Variants in OSBPL10 observed in about 807,000 individuals in gnomAD.
OSBPL10 encodes oxysterol-binding protein-related protein 10.
Under a neutral mutation model 81.7 loss-of-function variants are expected in OSBPL10, and 49 were observed. The ratio of observed to expected loss-of-function variants is 0.60; its 90% CI spans 0.48 to 0.76. OSBPL10 has a LOEUF of 0.76. Among genes scored for constraint, OSBPL10 ranks in the 30% least tolerant of loss-of-function variants. The pLI, the probability that OSBPL10 is intolerant of heterozygous loss-of-function variation, is 0.00. For synonymous variants in OSBPL10, 419 were observed against 383.6 expected (o/e 1.09, Z -1.08); for missense variants, 923 against 987.8 (o/e 0.93, Z 0.88).
At chr3:31,947,377 G>C (rs999296977) in intron 1 of OSBPL10, among the ~76,000 whole-genome samples, 2 of 152,208 alleles carry the variant, frequency 1.3e-5, no homozygotes, top group Non-Finnish European at 1.5e-5. Context: ...CTGAACAGCA[G>C]TTCCCACAGC....
intron 4 of OSBPL10, chr3:31,797,923 C>A (rs190454550): frequency 1.5e-4 from 59 of 383,670 alleles, no homozygotes; most frequent in African/African-American, 1.2e-3. Flanking sequence ...GAACCCACTA[C>A]ATTTACAGTC....
intron 3 of OSBPL10, among the ~76,000 whole-genome samples, chr3:31,874,777 T>C (rs764818807): frequency 2.2e-4 from 33 of 152,168 alleles, no homozygotes; most frequent in Non-Finnish European, 4.1e-4. Context: ...GCAACCGTTG[T>C]AGAAGACAAT....
At chr3:31,963,708 A>G (rs1169896310) in intron 1 of OSBPL10, among the ~76,000 whole-genome samples, 1 of 152,174 alleles carries the variant, frequency 6.6e-6, no homozygotes, top group Non-Finnish European at 1.5e-5. Flanking sequence ...GGAACAAATC[A>G]CATTTAACCT....
chr3:31,826,835 C>T (rs1418098926), intron 4 of OSBPL10, among the ~76,000 whole-genome samples: 1 of 152,184 alleles, frequency 6.6e-6, no homozygotes, highest in Non-Finnish European at 1.5e-5. Context: ...AACAGCTACT[C>T]ATCTCCCATC....
At chr3:31,671,483 G>C (rs55664129) in intron 8 of OSBPL10, among the ~76,000 whole-genome samples, 1,759 of 152,236 alleles carry the variant, frequency 0.012, 36 homozygotes, top group African/African-American at 0.041. Context: ...AGGTGTGGAG[G>C]ATGACCAAGT....
intron 5 of OSBPL10, among the ~76,000 whole-genome samples, chr3:31,741,782 C>T (rs963463942): frequency 6.6e-6 from 1 of 152,256 alleles, no homozygotes; most frequent in African/African-American, 2.4e-5. Context: ...GGGAGAGACC[C>T]AGTGGAGTAT....
chr3:31,792,133 C>G (rs1044227741), intron 4 of OSBPL10, among the ~76,000 whole-genome samples: 26 of 151,574 alleles, frequency 1.7e-4, no homozygotes, highest in Non-Finnish European at 3.5e-4. Context: ...TGACACTGAG[C>G]TTAGTAAATC....
At chr3:31,900,502 G>A (rs972918127) in intron 1 of OSBPL10, among the ~76,000 whole-genome samples, 2 of 152,110 alleles carry the variant, frequency 1.3e-5, no homozygotes, top group African/African-American at 4.8e-5. Context: ...AAGACCCATT[G>A]TTCCCCAAGA....
intron 1 of OSBPL10, among the ~76,000 whole-genome samples, chr3:31,943,281 C>T (rs777371053): frequency 6.6e-6 from 1 of 152,082 alleles, no homozygotes; most frequent in Non-Finnish European, 1.5e-5. Context: ...GGGTTGTTTC[C>T]ATTTTTGAAT....
At chr3:31,710,980 T>C (rs567126372) in intron 6 of OSBPL10, 1 of 152,240 alleles carries the variant, frequency 6.6e-6, no homozygotes, top group Non-Finnish European at 1.5e-5. Context: ...GAAATTTGCT[T>C]AAGATATGGT....
intron 4 of OSBPL10, among the ~76,000 whole-genome samples, chr3:31,814,886 A>C (rs11717535): frequency 0.67 from 102,327 of 152,030 alleles, 35,310 homozygotes; most frequent in East Asian, 0.93. Flanking sequence ...AAGTTGGCCA[A>C]GAATTCTTTG....
At chr3:31,948,510 G>A (rs1260211894) in intron 1 of OSBPL10, among the ~76,000 whole-genome samples, 1 of 152,140 alleles carries the variant, frequency 6.6e-6, no homozygotes, top group Admixed American at 6.5e-5. Flanking sequence ...TAGCCTCAGA[G>A]TGAATCTCCA....
chr3:31,884,116 A>G (rs1285117858), intron 1 of OSBPL10, among the ~76,000 whole-genome samples: 4 of 152,174 alleles, frequency 2.6e-5, no homozygotes, highest in Non-Finnish European at 5.9e-5. Flanking sequence ...AATGAATTGA[A>G]CGCTGTTTTA....
At chr3:31,692,104 T>C (rs1193828017) in intron 7 of OSBPL10, among the ~76,000 whole-genome samples, 1 of 152,148 alleles carries the variant, frequency 6.6e-6, no homozygotes, top group Non-Finnish European at 1.5e-5. Context: ...AGATATTTAC[T>C]ATATAGAAAG....
intron 1 of OSBPL10, among the ~76,000 whole-genome samples, chr3:31,887,013 A>G (rs1050344619): frequency 2.0e-5 from 3 of 151,650 alleles, no homozygotes; most frequent in Non-Finnish European, 4.4e-5. Context: ...GTCAACAGAC[A>G]CCCCCACGAA....
intron 4 of OSBPL10, among the ~76,000 whole-genome samples, chr3:31,785,389 A>G (rs1334987557): frequency 6.6e-6 from 1 of 152,182 alleles, no homozygotes; most frequent in African/African-American, 2.4e-5. Flanking sequence ...TTTGATTGGT[A>G]TTTGTGGGAG....
intron 4 of OSBPL10, among the ~76,000 whole-genome samples, chr3:31,781,063 A>T (rs967496568): frequency 1.7e-4 from 26 of 152,226 alleles, no homozygotes; most frequent in Non-Finnish European, 3.5e-4. Flanking sequence ...TATAATCCTC[A>T]ACAAAATATT....
chr3:31,846,769 C>T (rs977260880), intron 3 of OSBPL10, among the ~76,000 whole-genome samples: 14 of 127,088 alleles, frequency 1.1e-4, no homozygotes, highest in African/African-American at 3.5e-4. Flanking sequence ...CCCAAATGCC[C>T]CTCTCTTTCT....
intron 4 of OSBPL10, 139 bp downstream of exon 4, chr3:31,829,901 C>G: frequency 1.2e-6 from 1 of 830,634 alleles, no homozygotes; most frequent in Non-Finnish European, 1.8e-6. Flanking sequence ...AGGACCGTCA[C>G]AGCCGTGTGG....
Sources: allele counts gnomAD v4.1 joint callset (sites outside exome capture counted in the v4.1 genomes callset), GRCh38; gene constraint gnomAD v4.1.1; transcripts MANE v1.5; gene names NCBI Gene and HGNC (gene_info 2026-07-23, HGNC 2026-07-21).